ULK4: variants seen among roughly 807,000 people sequenced by gnomAD.
ULK4 encodes the protein unc-51 like kinase 4, also known as inactive serine/threonine-protein kinase ULK4.
A neutral mutation model predicts 160.6 loss-of-function variants in ULK4; 133 were observed. That is an observed-to-expected ratio of 0.83 (90% CI 0.72 to 0.96). The LOEUF (loss-of-function observed/expected upper bound fraction) is 0.96, where lower values mean the gene tolerates loss of function less well. ULK4 is among the 40% of genes least tolerant of loss of function. The pLI is 0.00. For missense variants in ULK4, 1,580 were observed against 1,499.5 expected, an observed-to-expected ratio of 1.05 and a Z score of -0.89; for synonymous variants, 534 against 539.8, an observed-to-expected ratio of 0.99 and a Z score of 0.15.
At chr3:41,736,963 T>G (rs1033355513) in intron 22 of ULK4, among the ~76,000 whole-genome samples, 1 of 151,922 alleles carries the variant, frequency 6.6e-6, no homozygotes, top group Non-Finnish European at 1.5e-5. Context: ...CTTTCCCCAT[T>G]GCTTGTGTTT....
intron 32 of ULK4, among the ~76,000 whole-genome samples, chr3:41,562,998 C>T (rs2087651237): frequency 6.6e-6 from 1 of 152,196 alleles, no homozygotes; most frequent in African/African-American, 2.4e-5. Context: ...GTGGCTGCTA[C>T]AGGTTGTTCC....
intron 31 of ULK4, among the ~76,000 whole-genome samples, chr3:41,592,099 C>CA (rs1471059298): frequency 6.6e-6 from 1 of 152,146 alleles, no homozygotes; most frequent in Admixed American, 6.5e-5. Flanking sequence ...ACTGCTCCTG[C>CA]AGGAACCGGG....
At chr3:41,644,623 G>A (rs1006507767) in intron 30 of ULK4, among the ~76,000 whole-genome samples, 38 of 152,000 alleles carry the variant, frequency 2.5e-4, no homozygotes, top group African/African-American at 8.2e-4. Context: ...TTTTGCATCA[G>A]TGTTCATCAG....
chr3:41,383,655 T>C (rs2081728237), intron 35 of ULK4, among the ~76,000 whole-genome samples: 1 of 152,220 alleles, frequency 6.6e-6, no homozygotes, highest in Non-Finnish European at 1.5e-5. Flanking sequence ...AATGGAAATA[T>C]TCAGGGATTG....
At chr3:41,442,143 C>T (rs1342162910) in intron 34 of ULK4, among the ~76,000 whole-genome samples, 1 of 152,004 alleles carries the variant, frequency 6.6e-6, no homozygotes, top group African/African-American at 2.4e-5. Flanking sequence ...AAAAAAGGCC[C>T]CAAAGTGGAC....
intron 31 of ULK4, among the ~76,000 whole-genome samples, chr3:41,577,537 CTGTTG>C (rs949191056): frequency 1.2e-4 from 18 of 152,082 alleles, no homozygotes; most frequent in Non-Finnish European, 2.6e-4. Context: ...TATACTCACC[CTGTTG>C]TGTTATCAAA....
At chr3:41,910,972 A>C (rs1698763730) in intron 11 of ULK4, among the ~76,000 whole-genome samples, 1 of 152,212 alleles carries the variant, frequency 6.6e-6, no homozygotes, top group African/African-American at 2.4e-5. Flanking sequence ...CAAAAACAAA[A>C]CAAACCAAAC....
chr3:41,775,857 G>A (rs192030118), intron 21 of ULK4, among the ~76,000 whole-genome samples: 1 of 150,626 alleles, frequency 6.6e-6, no homozygotes, highest in African/African-American at 2.5e-5. Flanking sequence ...AATCTAGTTT[G>A]TTCATTTCTA....
chr3:41,331,581 G>A (rs1339010634), intron 35 of ULK4, among the ~76,000 whole-genome samples: 2 of 152,024 alleles, frequency 1.3e-5, no homozygotes, highest in South Asian at 2.1e-4. Flanking sequence ...AGGATTCCTC[G>A]GTTTTTCATT....
intron 17 of ULK4, among the ~76,000 whole-genome samples, chr3:41,857,656 T>A (rs1607907): frequency 6.6e-6 from 1 of 152,112 alleles, no homozygotes; most frequent in African/African-American, 2.4e-5. Context: ...GTTATTAGTC[T>A]GTTCAGGTTT....
At chr3:41,671,772 T>A (rs1044680209) in intron 29 of ULK4, among the ~76,000 whole-genome samples, 2 of 151,958 alleles carry the variant, frequency 1.3e-5, no homozygotes, top group African/African-American at 2.4e-5. Context: ...AGTCAACAGA[T>A]TGAAGAGATA....
chr3:41,452,306 G>A (rs916927278), intron 34 of ULK4, among the ~76,000 whole-genome samples: 1 of 152,244 alleles, frequency 6.6e-6, no homozygotes, highest in African/African-American at 2.4e-5. Flanking sequence ...TTTTTCATTA[G>A]GGCCTACAGT....
chr3:41,399,468 C>A (rs2082131497), intron 34 of ULK4, among the ~76,000 whole-genome samples: 1 of 152,256 alleles, frequency 6.6e-6, no homozygotes, highest in South Asian at 2.1e-4. Flanking sequence ...TTTCTTGATA[C>A]TGTCCTTTGA....
At chr3:41,438,273 C>A (rs2083081321) in intron 34 of ULK4, among the ~76,000 whole-genome samples, 2 of 151,920 alleles carry the variant, frequency 1.3e-5, no homozygotes, top group African/African-American at 2.4e-5. Flanking sequence ...ATAAATCAGA[C>A]CATATAACTT....
At chr3:41,918,690 C>A in intron 6 of ULK4, 150 bp from the exon 7 acceptor site, 1 of 451,100 alleles carries the variant, frequency 2.2e-6, no homozygotes, top group Admixed American at 4.4e-5. Flanking sequence ...CACACTCCGC[C>A]TCCTGGGTTC....
chr3:41,404,841 T>C (rs2125821461), intron 34 of ULK4, among the ~76,000 whole-genome samples: 1 of 152,354 alleles, frequency 6.6e-6, no homozygotes, highest in African/African-American at 2.4e-5. Flanking sequence ...GCCAGCTACC[T>C]GATTCAGACT....
At chr3:41,440,993 A>G (rs1045876167) in intron 34 of ULK4, among the ~76,000 whole-genome samples, 4 of 151,940 alleles carry the variant, frequency 2.6e-5, no homozygotes, top group Admixed American at 6.6e-5. Context: ...GTCTCTCCAT[A>G]TTCTTCTCTC....
At chr3:41,880,263 TAC>T (rs1697467478) in intron 17 of ULK4, among the ~76,000 whole-genome samples, 1 of 152,240 alleles carries the variant, frequency 6.6e-6, no homozygotes, top group Non-Finnish European at 1.5e-5. Context: ...CCACAATGAT[TAC>T]AGAGTGGTAA....
At chr3:41,686,375 T>C (rs1052896164) in intron 27 of ULK4, among the ~76,000 whole-genome samples, 1 of 152,244 alleles carries the variant, frequency 6.6e-6, no homozygotes, top group Admixed American at 6.5e-5. Context: ...GTACGTGTTA[T>C]TGTCATTGCT....
Sources: allele counts gnomAD v4.1 joint callset (sites outside exome capture counted in the v4.1 genomes callset), GRCh38; gene constraint gnomAD v4.1.1; transcripts MANE v1.5; gene names NCBI Gene and HGNC (gene_info 2026-07-23, HGNC 2026-07-21).